DNAH9: variants seen among roughly 807,000 people sequenced by gnomAD.
DNAH9 encodes dynein axonemal heavy chain 9.
A neutral mutation model predicts 471.6 loss-of-function variants in DNAH9; 345 were observed. The ratio of observed to expected loss-of-function variants is 0.73; its 90% CI spans 0.67 to 0.80. DNAH9 has a LOEUF of 0.80. Ranked by LOEUF, DNAH9 falls within the 30% of genes least tolerant of loss-of-function variation. The pLI is 0.00. For synonymous variants in DNAH9, 2,093 were observed against 2,123.6 expected, an observed-to-expected ratio of 0.99 and a Z score of 0.40; for missense variants, 5,407 against 5,609.2, an observed-to-expected ratio of 0.96 and a Z score of 1.15.
intron 43 of DNAH9, among the ~76,000 whole-genome samples, chr17:11,801,880 T>C (rs1969474808): frequency 6.6e-6 from 1 of 152,046 alleles, no homozygotes; most frequent in African/African-American, 2.4e-5. Flanking sequence ...ATCAAACTAA[T>C]ATTGTTTTTA....
At chr17:11,917,266 C>T (rs1054127505) in intron 61 of DNAH9, among the ~76,000 whole-genome samples, 1 of 152,180 alleles carries the variant, frequency 6.6e-6, no homozygotes, top group African/African-American at 2.4e-5. Flanking sequence ...AAGCGATTCT[C>T]CTGCCTCAGC....
Position 11,726,930 on chromosome 17 carries a change from C to T in DNAH9, c.5710-888C>T, listed in dbSNP as rs563623887. Among the ~76,000 whole-genome samples, 12 of 151,690 alleles carry T rather than the reference C, an allele frequency of 7.9e-5. 1 individual carries two copies. Among genetic ancestry groups the T allele is most frequent in the Admixed American group, 3.3e-4 (5 of 15,148 alleles). On this transcript the variant is annotated intron_variant, in intron 27 of 68. Coordinates refer to ENST00000262442, the MANE Select transcript of DNAH9 (RefSeq NM_001372.4). ...AGGCATGGTGGTGCACGCCTGTAAT[C>T]GCAGCTACTCGGGAGGCTGAGGCAG...
At chr17:11,903,560 C>A (rs568794326) in intron 60 of DNAH9, among the ~76,000 whole-genome samples, 23 of 152,120 alleles carry the variant, frequency 1.5e-4, no homozygotes, top group African/African-American at 5.5e-4. Flanking sequence ...AAGTTGTAGG[C>A]CGTGGAGTCT....
chr17:11,881,768 T>C, intron 55 of DNAH9, among the ~76,000 whole-genome samples: 1 of 151,928 alleles, frequency 6.6e-6, no homozygotes, highest in Non-Finnish European at 1.5e-5. Flanking sequence ...TAAAATTAAC[T>C]GGGCATGGTG....
At chr17:11,945,026 G>A (rs1975061466) in intron 67 of DNAH9, among the ~76,000 whole-genome samples, 1 of 152,192 alleles carries the variant, frequency 6.6e-6, no homozygotes, top group Non-Finnish European at 1.5e-5. Flanking sequence ...AGGTGACTTG[G>A]CAGGAGGGGT....
At chr17:11,693,717 G>A in intron 20 of DNAH9, 151 bp from the exon 21 acceptor site, 6 of 842,076 alleles carry the variant, frequency 7.1e-6, no homozygotes, top group Admixed American at 2.4e-5. Flanking sequence ...TAAGCTGAAT[G>A]CAGCTTAAAC....
chr17:11,934,595 G>A (rs977975729), intron 65 of DNAH9, among the ~76,000 whole-genome samples: 6 of 150,988 alleles, frequency 4.0e-5, no homozygotes, highest in Non-Finnish European at 7.4e-5. Context: ...ACAGGCGCCC[G>A]CCACCAAGCC....
chr17:11,919,652 C>A (rs1209915763), intron 61 of DNAH9, among the ~76,000 whole-genome samples: 3 of 152,050 alleles, frequency 2.0e-5, no homozygotes. Flanking sequence ...ATTCACCAAA[C>A]ATGTGAATTA....
intron 35 of DNAH9, among the ~76,000 whole-genome samples, chr17:11,761,561 C>T (rs1202472079): frequency 6.6e-6 from 1 of 152,246 alleles, no homozygotes; most frequent in Non-Finnish European, 1.5e-5. Flanking sequence ...TAGCCAAGCA[C>T]TCAGACAACC....
intron 68 of DNAH9, 120 bp from the exon 69 acceptor site, chr17:11,969,180 G>A: frequency 5.0e-6 from 4 of 800,306 alleles, no homozygotes; most frequent in Non-Finnish European, 8.1e-6. Flanking sequence ...GAAGGGGGCA[G>A]GCATAAAGGC....
chr17:11,756,448 A>G (rs1597599155), intron 33 of DNAH9, 120 bp from the exon 34 acceptor site: 1 of 693,618 alleles, frequency 1.4e-6, no homozygotes, highest in South Asian at 1.7e-5. Context: ...CAGCCAAACC[A>G]TATAAAGGAA....
At chr17:11,621,405 C>A (rs1197840762) in intron 6 of DNAH9, among the ~76,000 whole-genome samples, 5 of 88,070 alleles carry the variant, frequency 5.7e-5, no homozygotes, top group Admixed American at 1.7e-4. Flanking sequence ...GAGACTCCAT[C>A]TCAAAAAAAA....
intron 48 of DNAH9, 56 bp from the exon 49 acceptor site, chr17:11,834,582 T>C: frequency 6.3e-7 from 1 of 1,599,146 alleles, no homozygotes; most frequent in Non-Finnish European, 8.5e-7. Context: ...ACTAGTCCAG[T>C]GCCCACAGTC....
rs1337040988 is a variant in DNAH9, at chr17:11,651,009, A to G, written c.2098-60A>G. The G allele has an allele frequency of 7.0e-6, 11 of 1,561,238 alleles. No individual in the cohort carries two copies. In the East Asian group the frequency reaches 2.0e-4, roughly 29 times the overall value. ...CCTGGGATTGTCCAGTCTTTGACCA[A>G]TGCTGCAGATTATTCATTATCACTG... On this transcript the variant is annotated intron_variant, in intron 12 of 68. Coordinates refer to ENST00000262442, the MANE Select transcript of DNAH9 (RefSeq NM_001372.4).
intron 12 of DNAH9, among the ~76,000 whole-genome samples, chr17:11,649,109 A>G (rs1377484571): frequency 6.7e-6 from 1 of 149,336 alleles, no homozygotes; most frequent in Non-Finnish European, 1.5e-5. Context: ...CCTAGGCAAC[A>G]AGAGCGAAAC....
intron 11 of DNAH9, among the ~76,000 whole-genome samples, chr17:11,645,290 G>T (rs2073359468): frequency 6.6e-6 from 1 of 152,194 alleles, no homozygotes; most frequent in African/African-American, 2.4e-5. Context: ...GTTCCAGACA[G>T]ATTAATTAAC....
intron 53 of DNAH9, among the ~76,000 whole-genome samples, chr17:11,878,978 T>A (rs1189872416): frequency 6.6e-6 from 1 of 152,202 alleles, no homozygotes; most frequent in Admixed American, 6.5e-5. Context: ...TAGCTATTGT[T>A]TCAATACCAA....
At chr17:11,727,770 G>A in intron 27 of DNAH9, 48 bp from the exon 28 acceptor site, 1 of 1,323,932 alleles carries the variant, frequency 7.6e-7, no homozygotes, top group Non-Finnish European at 1.1e-6. Context: ...AACATGTATT[G>A]ATAAGCCTGG....
At chr17:11,631,639 TCA>T (rs2073069263) in intron 7 of DNAH9, among the ~76,000 whole-genome samples, 1 of 104,324 alleles carries the variant, frequency 9.6e-6, no homozygotes. Context: ...AGACTCTGTC[TCA>T]AAAAAAAAAA....
Sources: allele counts gnomAD v4.1 joint callset (sites outside exome capture counted in the v4.1 genomes callset), GRCh38; gene constraint gnomAD v4.1.1; transcripts MANE v1.5; gene names NCBI Gene and HGNC (gene_info 2026-07-23, HGNC 2026-07-21).